Variants in DOCK1 observed in about 807,000 individuals in gnomAD.
DOCK1 encodes dedicator of cytokinesis 1.
DOCK1 carries 138 observed loss-of-function variants against 262.7 expected under a neutral mutation model. The ratio of observed to expected loss-of-function variants is 0.53; its 90% confidence interval spans 0.46 to 0.61. DOCK1 has a LOEUF of 0.61. Ranked by LOEUF, DOCK1 falls within the 20% of genes least tolerant of loss-of-function variation. The pLI, the probability that DOCK1 is intolerant of heterozygous loss-of-function variation, is 0.00. For synonymous variants in DOCK1, 866 were observed against 867.4 expected (o/e 1.00, Z 0.03); for missense variants, 1,908 against 2,370.7 (o/e 0.80, Z 4.05).
At chr10:127,283,287 A>G (rs944894083) in intron 29 of DOCK1, among the ~76,000 whole-genome samples, 1 of 152,240 alleles carries the variant, frequency 6.6e-6, no homozygotes, top group African/African-American at 2.4e-5. Flanking sequence ...CAGGTCAGAA[A>G]TGGGAAAGGA....
chr10:127,042,788 C>T (rs1248999491), intron 20 of DOCK1, 74 bp downstream of exon 20: 20 of 1,483,234 alleles, frequency 1.3e-5, no homozygotes, highest in East Asian at 2.3e-5. Context: ...AGGCTGGAGT[C>T]GGGGGCTTCG....
Position 127,451,646 on chromosome 10 carries a change from G to A in DOCK1, c.*219G>A, listed in dbSNP as rs2070980232. ...TGGGAGGTAGATATGGGTCCGGGAT[G>A]TGCTATCGTAGTTATCAGAGTTGGG... On this transcript the variant is annotated 3_prime_UTR_variant, in exon 52 of 52. Coordinates refer to ENST00000623213, the MANE Select transcript of DOCK1 (RefSeq NM_001290223.2). 8.7e-7 allele frequency: 1 copy of A among 1,144,342 alleles called. No homozygotes were observed. The highest frequency in any genetic ancestry group is 1.7e-5 in the South Asian group (1 of 59,552). The allele number at this position is 1,144,342 out of a possible 1,614,324, so 70.9% of individuals were successfully genotyped here. A position where few individuals can be genotyped will look rare whatever the true frequency, so the allele number is the denominator to read the frequency against.
At chr10:126,941,521 C>T (rs1004826197) in intron 1 of DOCK1, among the ~76,000 whole-genome samples, 2 of 152,160 alleles carry the variant, frequency 1.3e-5, no homozygotes, top group African/African-American at 2.4e-5. Context: ...CTGTGGGAGG[C>T]CAAGGCGGGC....
At chr10:127,295,553 G>A (rs1175879311) in intron 29 of DOCK1, among the ~76,000 whole-genome samples, 7 of 152,120 alleles carry the variant, frequency 4.6e-5, no homozygotes, top group African/African-American at 1.7e-4. Context: ...AGGTGTGGTT[G>A]TGTGCACCTG....
At chr10:126,977,756 C>T (rs982092526) in intron 2 of DOCK1, among the ~76,000 whole-genome samples, 192 bp from the exon 3 acceptor site, 3 of 152,096 alleles carry the variant, frequency 2.0e-5, no homozygotes, top group East Asian at 1.9e-4. Context: ...AGCTGGGCTC[C>T]GGGTGCGCTG....
chr10:127,010,668 G>A (rs2041361760), intron 11 of DOCK1, among the ~76,000 whole-genome samples: 1 of 152,186 alleles, frequency 6.6e-6, no homozygotes, highest in Admixed American at 6.5e-5. Context: ...TTTATAAAGG[G>A]AACACAGTGC....
intron 23 of DOCK1, among the ~76,000 whole-genome samples, chr10:127,105,975 G>C (rs2048505346): frequency 6.6e-6 from 1 of 152,026 alleles, no homozygotes; most frequent in Non-Finnish European, 1.5e-5. Context: ...ATGTTACCCA[G>C]GCTGGTCTCG....
intron 27 of DOCK1, among the ~76,000 whole-genome samples, chr10:127,213,004 AATTAATC>A (rs2058050429): frequency 6.6e-6 from 1 of 152,222 alleles, no homozygotes; most frequent in South Asian, 2.1e-4. Flanking sequence ...AGTCAAAGCT[AATTAATC>A]ATTCTTCTCC....
intron 27 of DOCK1, among the ~76,000 whole-genome samples, chr10:127,204,583 G>C (rs180826746): frequency 3.3e-5 from 5 of 152,182 alleles, no homozygotes; most frequent in African/African-American, 9.6e-5. Flanking sequence ...CACCGTGCCT[G>C]ACCGTTTTTT....
At chr10:127,333,265 C>A (rs1425001742) in intron 29 of DOCK1, among the ~76,000 whole-genome samples, 1 of 152,206 alleles carries the variant, frequency 6.6e-6, no homozygotes, top group Non-Finnish European at 1.5e-5. Flanking sequence ...ACCCCCACAG[C>A]TTCACAATGT....
intron 27 of DOCK1, among the ~76,000 whole-genome samples, chr10:127,205,705 A>G (rs961552850): frequency 2.0e-5 from 3 of 152,198 alleles, no homozygotes; most frequent in Non-Finnish European, 2.9e-5. Flanking sequence ...CTGAAGTGCA[A>G]TCAGCTTAAA....
At chr10:126,915,864 A>C (rs2032429881) in intron 1 of DOCK1, among the ~76,000 whole-genome samples, 1 of 151,750 alleles carries the variant, frequency 6.6e-6, no homozygotes, top group African/African-American at 2.4e-5. Flanking sequence ...TGGCCTCAGA[A>C]GGCTGTGTAC....
At chr10:126,997,529 G>A (rs1026402726) in intron 7 of DOCK1, among the ~76,000 whole-genome samples, 5 of 151,956 alleles carry the variant, frequency 3.3e-5, no homozygotes, top group African/African-American at 9.7e-5. Flanking sequence ...ACTTTTAAAC[G>A]ACGAGATCTT....
At chr10:127,290,526 G>T (rs1169153088) in intron 29 of DOCK1, among the ~76,000 whole-genome samples, 1 of 152,182 alleles carries the variant, frequency 6.6e-6, no homozygotes, top group South Asian at 2.1e-4. Flanking sequence ...TGGCATAACT[G>T]TAATATATCA....
At chr10:127,102,990 A>G (rs944471357) in intron 23 of DOCK1, among the ~76,000 whole-genome samples, 1 of 152,252 alleles carries the variant, frequency 6.6e-6, no homozygotes, top group South Asian at 2.1e-4. Context: ...AGCCACTGAC[A>G]TGCTCTCCAT....
intron 23 of DOCK1, among the ~76,000 whole-genome samples, chr10:127,105,196 C>A (rs574249366): frequency 2.0e-5 from 3 of 152,322 alleles, no homozygotes; most frequent in East Asian, 3.9e-4. Context: ...GATTATGAGG[C>A]CTTCCCAGCC....
chr10:127,054,942 T>A (rs1303648784), intron 22 of DOCK1, among the ~76,000 whole-genome samples: 1 of 152,242 alleles, frequency 6.6e-6, no homozygotes, highest in Non-Finnish European at 1.5e-5. Context: ...ACAATAATGC[T>A]GCTTTAGAAA....
rs188357367 is a variant in DOCK1 at position 126,983,516 on chromosome 10, A to G, written c.227+1543A>G. Among the ~76,000 whole-genome samples, 186 of 152,206 alleles carry G rather than the reference A, an allele frequency of 1.2e-3. 1 individual carries two copies. Among genetic ancestry groups the G allele is most frequent in the African/African-American group, 4.4e-3 (182 of 41,518 alleles). ...GATCTGTCTCTTGCTGGTCTCTTGCATGATCGTTCTCATATGGCCTCTGTC... is the reference window on the plus strand; with the variant it reads ...GATCTGTCTCTTGCTGGTCTCTTGCGTGATCGTTCTCATATGGCCTCTGTC... On this transcript the variant is annotated intron_variant, in intron 4 of 51. Coordinates refer to ENST00000623213, the MANE Select transcript of DOCK1 (RefSeq NM_001290223.2).
chr10:127,421,616 C>T (rs1203978615), intron 46 of DOCK1, among the ~76,000 whole-genome samples: 3 of 152,098 alleles, frequency 2.0e-5, no homozygotes, highest in South Asian at 2.1e-4. Context: ...ACCCATTGAA[C>T]GACTTCCCCA....
Sources: gnomAD v4.1 joint callset for allele counts (sites outside exome capture counted in the v4.1 genomes callset) on GRCh38, gnomAD v4.1.1 for gene constraint, MANE v1.5 for transcripts, NCBI Gene and HGNC (gene_info 2026-07-23, HGNC 2026-07-21) for gene names.